Variants in FGGY observed in about 807,000 individuals in gnomAD.
FGGY encodes the protein FGGY carbohydrate kinase domain-containing protein.
FGGY carries 72 observed loss-of-function variants against 71.3 expected under a neutral mutation model. That is an observed-to-expected ratio of 1.01 (90% CI 0.84 to 1.23). The LOEUF is 1.23. Among genes scored for constraint, FGGY ranks in the 50% most tolerant of loss-of-function variants. FGGY has a pLI of 0.00. For synonymous variants in FGGY, 251 were observed against 250.3 expected (o/e 1.00, Z -0.02); for missense variants, 668 against 682.3 (o/e 0.98, Z 0.23).
At chr1:59,638,177 T>G in intron 10 of FGGY, 51 bp from the exon 11 acceptor site, 1 of 1,564,118 alleles carries the variant, frequency 6.4e-7, no homozygotes, top group Non-Finnish European at 8.7e-7. Flanking sequence ...TAGAATGATT[T>G]GCTCCCTGAC....
At chr1:59,615,122 C>A (rs1444160484) in intron 9 of FGGY, among the ~76,000 whole-genome samples, 1 of 152,206 alleles carries the variant, frequency 6.6e-6, no homozygotes, top group Non-Finnish European at 1.5e-5. Flanking sequence ...CTACTGATGA[C>A]TTTCTTCACA....
intron 11 of FGGY, among the ~76,000 whole-genome samples, chr1:59,656,173 G>T (rs1457263535): frequency 1.3e-5 from 2 of 151,934 alleles, no homozygotes; most frequent in African/African-American, 2.4e-5. Context: ...CTCACATCGG[G>T]CTTCCCTACA....
At chr1:59,507,699 T>TC in intron 6 of FGGY, among the ~76,000 whole-genome samples, 1 of 147,162 alleles carries the variant, frequency 6.8e-6, no homozygotes, top group African/African-American at 2.6e-5. Flanking sequence ...TTTTTTTTTT[T>TC]TTTTTTTTGT....
chr1:59,610,709 C>T (rs768827217), intron 9 of FGGY, among the ~76,000 whole-genome samples: 23 of 152,190 alleles, frequency 1.5e-4, no homozygotes, highest in Middle Eastern at 3.2e-3. Flanking sequence ...CGAAGCAGGG[C>T]GAGGCATCGC....
At chr1:59,320,915 C>T (rs1219649285) in intron 1 of FGGY, among the ~76,000 whole-genome samples, 1 of 152,144 alleles carries the variant, frequency 6.6e-6, no homozygotes, top group Non-Finnish European at 1.5e-5. Context: ...TAATAATGTA[C>T]ATTTACTGTT....
At chr1:59,517,101 G>A (rs1207384230) in intron 7 of FGGY, among the ~76,000 whole-genome samples, 1 of 152,052 alleles carries the variant, frequency 6.6e-6, no homozygotes, top group Non-Finnish European at 1.5e-5. Context: ...TGTGGGGGTG[G>A]TTCTGGCCAG....
At chr1:59,514,858 T>C (rs1362215109) in intron 7 of FGGY, among the ~76,000 whole-genome samples, 6 of 152,210 alleles carry the variant, frequency 3.9e-5, no homozygotes, top group Non-Finnish European at 8.8e-5. Context: ...TTCTTCCTTG[T>C]CTCGGGTATG....
intron 1 of FGGY, among the ~76,000 whole-genome samples, chr1:59,302,296 G>C (rs563508295): frequency 7.2e-5 from 11 of 152,188 alleles, no homozygotes; most frequent in Non-Finnish European, 1.2e-4. Flanking sequence ...AATGAATTAG[G>C]AAGTATTTCT....
intron 7 of FGGY, among the ~76,000 whole-genome samples, chr1:59,533,351 C>T (rs190678419): frequency 6.5e-4 from 99 of 152,338 alleles, no homozygotes; most frequent in African/African-American, 2.2e-3. Context: ...GAGGGTCCTA[C>T]GCCCACGGAG....
At chr1:59,302,313 T>A (rs529033761) in intron 1 of FGGY, among the ~76,000 whole-genome samples, 2 of 152,228 alleles carry the variant, frequency 1.3e-5, no homozygotes, top group African/African-American at 2.4e-5. Flanking sequence ...TTCTTCCATT[T>A]TGATTTTTTC....
intron 4 of FGGY, among the ~76,000 whole-genome samples, chr1:59,360,179 A>G (rs552839101): frequency 4.1e-4 from 58 of 141,860 alleles, no homozygotes; most frequent in African/African-American, 1.4e-3. Flanking sequence ...AGTGAAAATT[A>G]TTGGTCCTGG....
chr1:59,437,910 A>G (rs2068834208), intron 5 of FGGY, among the ~76,000 whole-genome samples: 1 of 152,200 alleles, frequency 6.6e-6, no homozygotes, highest in Non-Finnish European at 1.5e-5. Flanking sequence ...AGAGATACTG[A>G]AGTTTTACAA....
intron 10 of FGGY, chr1:59,626,254 C>G: frequency 2.0e-6 from 1 of 501,816 alleles, no homozygotes; most frequent in South Asian, 3.5e-5. Flanking sequence ...TAGAGATACC[C>G]CAAGAATATA....
chr1:59,654,167 A>T (rs563276833), intron 11 of FGGY, among the ~76,000 whole-genome samples: 1 of 152,344 alleles, frequency 6.6e-6, no homozygotes, highest in East Asian at 1.9e-4. Context: ...AGGCAATGCC[A>T]AGTGTTAGCC....
At chr1:59,314,601 A>G (rs1474761365) in intron 1 of FGGY, among the ~76,000 whole-genome samples, 1 of 152,222 alleles carries the variant, frequency 6.6e-6, no homozygotes, top group East Asian at 1.9e-4. Context: ...TGGTAGACAC[A>G]GATGGGACAA....
At chr1:59,484,180 C>G (rs1425743815) in intron 6 of FGGY, among the ~76,000 whole-genome samples, 2 of 152,230 alleles carry the variant, frequency 1.3e-5, no homozygotes, top group Non-Finnish European at 2.9e-5. Context: ...AATTCAAAAG[C>G]AGGCCTGACT....
At chr1:59,308,201 T>C (rs2043730044) in intron 1 of FGGY, among the ~76,000 whole-genome samples, 1 of 152,280 alleles carries the variant, frequency 6.6e-6, no homozygotes, top group South Asian at 2.1e-4. Context: ...GAACTTAAAA[T>C]GTATAGCATG....
intron 5 of FGGY, among the ~76,000 whole-genome samples, chr1:59,447,818 A>G (rs2071659916): frequency 6.6e-6 from 1 of 152,134 alleles, no homozygotes. Context: ...TTTCTTTATA[A>G]ATTACCCAGT....
At chr1:59,634,889 C>T (rs747328001) in intron 10 of FGGY, among the ~76,000 whole-genome samples, 54 of 152,124 alleles carry the variant, frequency 3.5e-4, no homozygotes, top group African/African-American at 1.2e-3. Context: ...CCAGCTGGTA[C>T]GTGGTAAAGT....
Sources: allele counts gnomAD v4.1 joint callset (sites outside exome capture counted in the v4.1 genomes callset), GRCh38; gene constraint gnomAD v4.1.1; transcripts MANE v1.5; gene names NCBI Gene and HGNC (gene_info 2026-07-23, HGNC 2026-07-21).